Variants in ATG4A observed in about 807,000 individuals in gnomAD.
ATG4A encodes the protein autophagy related 4A cysteine peptidase.
Under a neutral mutation model 38.4 loss-of-function variants are expected in ATG4A, and 22 were observed. The observed-to-expected ratio is 0.57, with a 90% CI of 0.41 to 0.82. The LOEUF (loss-of-function observed/expected upper bound fraction) is 0.82. Among genes scored for constraint, ATG4A ranks in the 40% least tolerant of loss-of-function variants. ATG4A has a pLI of 0.00. For synonymous variants in ATG4A, 86 were observed against 100.7 expected (o/e 0.85, Z 0.88); for missense variants, 220 against 290.0 (o/e 0.76, Z 1.75).
At position 108,153,661 on chromosome X, in the gene ATG4A, G is replaced by A. The variant is rs1381321291; in HGVS notation, c.1146G>A (p.Glu382=). ...TTGAEFIDST[E]QLEEFDLEED... ...TGATAGAATTCATTGACTCTACTGA[G>A]CAACTGGAGGAGTTTGATCTGGAGG... Residue 382 remains glutamate, a synonymous_variant, in exon 13 of 13, where the codon GAG becomes GAA. Coordinates refer to ENST00000372232, the MANE Select transcript of ATG4A (RefSeq NM_052936.5). The A allele has an allele frequency of 1.7e-6, 2 of 1,208,249 alleles. No homozygotes were observed. The highest frequency in any genetic ancestry group is 2.2e-6 in the Non-Finnish European group (2 of 892,850).
At chrX:108,117,121 G>T (rs1450835247) in intron 1 of ATG4A, among the ~76,000 whole-genome samples, 1 of 110,951 alleles carries the variant, frequency 9.0e-6, no homozygotes. Context: ...GTAAAGGATT[G>T]TTAAATTGAC....
chrX:108,144,730 G>C (rs1448191837), intron 9 of ATG4A, among the ~76,000 whole-genome samples: 8 of 112,430 alleles, frequency 7.1e-5, no homozygotes, highest in Non-Finnish European at 1.1e-4. Context: ...ACCACTCAGA[G>C]AGGTCCATCC....
chrX:108,140,898 A>G (rs1008670521), intron 9 of ATG4A, among the ~76,000 whole-genome samples: 52 of 95,204 alleles, frequency 5.5e-4, no homozygotes, highest in African/African-American at 1.9e-3. Flanking sequence ...ATACATACAC[A>G]AAGTATTACA....
At chrX:108,129,604 A>T (rs1413775188) in intron 3 of ATG4A, among the ~76,000 whole-genome samples, 71 of 93,008 alleles carry the variant, frequency 7.6e-4, no homozygotes, top group Non-Finnish European at 1.2e-3. Context: ...GGAGTCTCGC[A>T]CTGTCACCCA....
chrX:108,140,906 A>G (rs964918140), intron 9 of ATG4A, among the ~76,000 whole-genome samples: 58 of 91,093 alleles, frequency 6.4e-4, no homozygotes, highest in Non-Finnish European at 8.8e-4. Flanking sequence ...ACAAAGTATT[A>G]CATGTACATA....
At chrX:108,132,858 A>G (rs777618280) in intron 4 of ATG4A, among the ~76,000 whole-genome samples, 20 of 111,020 alleles carry the variant, frequency 1.8e-4, no homozygotes, top group Non-Finnish European at 3.8e-4. Flanking sequence ...AAAATCAAGT[A>G]GCAGGAAGAA....
chrX:108,091,737 C>T (rs1569296946), upstream of ATG4A: 8 of 1,127,062 alleles, frequency 7.1e-6, no homozygotes, highest in Middle Eastern at 2.4e-4. Context: ...TGGCCCCTAG[C>T]AGTGCAGAAC....
At position 108,115,449 on chromosome X, in the gene ATG4A, CCTGTT is replaced by C. The variant is rs1405092571; in HGVS notation, c.11-10624_11-10620del. ...GTAATACCACCTCCCAAATGTAACA[CCTGTT>C]CTGACCACTGTCATCATAGATTCGT... is the stretch of plus-strand genomic sequence containing the variant. On this transcript the variant is annotated intron_variant, in intron 1 of 12. Transcript: ENST00000372232. Among the ~76,000 whole-genome samples the C allele has an allele frequency of 2.7e-5, 3 of 111,549 alleles. No individual in the cohort carries two copies. The East Asian group carries it at 8.5e-4, about 32-fold the overall frequency.
chrX:108,137,278 CAGGGGAGCTT>C (rs1419232424), intron 7 of ATG4A, 108 bp downstream of exon 7: 2 of 695,708 alleles, frequency 2.9e-6, no homozygotes, highest in African/African-American at 4.4e-5. Context: ...CCCACCAGGG[CAGGGGAGCTT>C]AGGGGAGCAC....
At chrX:108,098,965 GTGTAGA>G (rs1018769010) in intron 1 of ATG4A, among the ~76,000 whole-genome samples, 2 of 111,439 alleles carry the variant, frequency 1.8e-5, no homozygotes, top group African/African-American at 6.5e-5. Flanking sequence ...ACAGTGTTTT[GTGTAGA>G]TGGAAATTTT....
At chrX:108,126,754 A>T (rs1157052392) in intron 2 of ATG4A, 2 of 979,391 alleles carry the variant, frequency 2.0e-6, no homozygotes, top group Non-Finnish European at 1.3e-6. Flanking sequence ...GATGGAAAGG[A>T]GGCTTGAATT....
intron 1 of ATG4A, among the ~76,000 whole-genome samples, chrX:108,113,395 G>GCAAGGAGTATTTGGGGCACTGA (rs1357254883): frequency 9.0e-6 from 1 of 111,379 alleles, no homozygotes; most frequent in Non-Finnish European, 1.9e-5. Flanking sequence ...GGGGGCACTG[G>GCAAGGAGTATTTGGGGCACTGA]CAAGGAGTAT....
At chrX:108,136,145 ATAT>A (rs935302146) in intron 6 of ATG4A, among the ~76,000 whole-genome samples, 1 of 110,544 alleles carries the variant, frequency 9.0e-6, no homozygotes, top group African/African-American at 3.3e-5. Flanking sequence ...TAACAACAAC[ATAT>A]TATTATTATT....
At chrX:108,126,744 G>C in intron 2 of ATG4A, 1 of 980,871 alleles carries the variant, frequency 1.0e-6, no homozygotes, top group Non-Finnish European at 1.3e-6. Flanking sequence ...ACTGCAGCTA[G>C]ATGGAAAGGA....
At chrX:108,107,840 C>T (rs929172039) in intron 1 of ATG4A, among the ~76,000 whole-genome samples, 3 of 111,257 alleles carry the variant, frequency 2.7e-5, no homozygotes, top group Non-Finnish European at 5.7e-5. Flanking sequence ...CCTCCCTAGG[C>T]CTCCATTGAC....
intron 9 of ATG4A, 137 bp downstream of exon 9, chrX:108,138,328 C>T: frequency 3.7e-6 from 2 of 533,911 alleles, no homozygotes; most frequent in East Asian, 3.4e-5. Context: ...TGGTCAGCTC[C>T]TTCTGTCTCC....
intron 10 of ATG4A, among the ~76,000 whole-genome samples, chrX:108,150,592 G>T (rs2033561049): frequency 8.8e-6 from 1 of 113,006 alleles, no homozygotes; most frequent in Admixed American, 9.3e-5. Context: ...GTTCCACATG[G>T]CTGGGGAGGA....
rs56127774 is a variant in ATG4A, at chrX:108,104,925, GT to G, written c.10+13103del. On this transcript the variant is annotated intron_variant, in intron 1 of 12. Coordinates refer to ENST00000372232, the MANE Select transcript of ATG4A (RefSeq NM_052936.5). ...AAGCCTGCTGTTTAATACCTGTCAT[GT>G]TTTTTTTTTTTTTCAGTTCAGCTGT... Among the ~76,000 whole-genome samples the G allele has an allele frequency of 2.4e-3, 207 of 86,910 alleles. 1 individual carries two copies. Among genetic ancestry groups the G allele is most frequent in the South Asian group, 7.9e-3 (14 of 1,779 alleles). The allele number at this position is 86,910 out of a possible 115,157, so 75.5% of individuals were successfully genotyped here.
chrX:108,135,985 T>C (rs1461999283), intron 6 of ATG4A, among the ~76,000 whole-genome samples: 1 of 110,196 alleles, frequency 9.1e-6, no homozygotes, highest in Non-Finnish European at 1.9e-5. Context: ...AGTTTCACCA[T>C]GTTAGCCAGG....
Sources: gnomAD v4.1 joint callset for allele counts (sites outside exome capture counted in the v4.1 genomes callset) on GRCh38, gnomAD v4.1.1 for gene constraint, MANE v1.5 for transcripts, NCBI Gene and HGNC (gene_info 2026-07-23, HGNC 2026-07-21) for gene names.